The following FBXL2 variants were observed in gnomAD, a reference collection of about 807,000 sequenced individuals.
The protein encoded by FBXL2 is F-box/LRR-repeat protein 2.
In FBXL2, 38 loss-of-function variants were observed where a neutral mutation model predicts 69.2. The observed-to-expected ratio is 0.55, with a 90% CI of 0.42 to 0.72. The LOEUF (loss-of-function observed/expected upper bound fraction) is 0.72. Ranked by LOEUF, FBXL2 falls within the 30% of genes least tolerant of loss-of-function variation. The probability of loss-of-function intolerance (pLI) is 0.00; values close to 1 mark genes in which losing one functional copy is unlikely to be tolerated. For missense variants in FBXL2, 354 were observed against 520.3 expected, an observed-to-expected ratio of 0.68 and a Z score of 3.11; for synonymous variants, 192 against 201.3, an observed-to-expected ratio of 0.95 and a Z score of 0.39.
At chr3:33,422,529 C>CAATG in the FBXL2 span, among the ~76,000 whole-genome samples, 1 of 151,938 alleles carries the variant, frequency 6.6e-6, no homozygotes, top group South Asian at 2.1e-4. Flanking sequence ...TTAGCGTGGG[C>CAATG]AATGAATAGT....
chr3:33,392,481 A>G, downstream of FBXL2: 1 of 1,187,792 alleles, frequency 8.4e-7, no homozygotes, highest in Non-Finnish European at 1.2e-6. Flanking sequence ...ATTTTAAAGA[A>G]TAAACACGAG....
At chr3:33,326,364 G>A (rs1043457034) in intron 2 of FBXL2, among the ~76,000 whole-genome samples, 7 of 151,980 alleles carry the variant, frequency 4.6e-5, no homozygotes, top group South Asian at 2.1e-4. Flanking sequence ...TTAGCCAGGC[G>A]TGGTGGCAGG....
intron 2 of FBXL2, among the ~76,000 whole-genome samples, chr3:33,322,433 T>C (rs1283568712): frequency 6.6e-6 from 1 of 151,992 alleles, no homozygotes; most frequent in African/African-American, 2.4e-5. Flanking sequence ...ATAACAAAAA[T>C]CCTAGAAATA....
chr3:33,284,940 C>T (rs1329915357), intron 1 of FBXL2, among the ~76,000 whole-genome samples: 1 of 152,126 alleles, frequency 6.6e-6, no homozygotes, highest in Non-Finnish European at 1.5e-5. Flanking sequence ...ATGTGTGTCT[C>T]TGCATGTGAT....
chr3:33,414,474 C>T, the FBXL2 span, among the ~76,000 whole-genome samples: 1 of 152,090 alleles, frequency 6.6e-6, no homozygotes, highest in Non-Finnish European at 1.5e-5. Flanking sequence ...TCAGAGAAAG[C>T]ACATTGCTAA....
intron 2 of FBXL2, among the ~76,000 whole-genome samples, chr3:33,325,348 A>C (rs1285557665): frequency 1.3e-5 from 2 of 152,198 alleles, no homozygotes; most frequent in Non-Finnish European, 2.9e-5. Context: ...AGTGGTGAGA[A>C]AGGGCATCCT....
rs763154320 is a variant in FBXL2, at chr3:33,373,175, T to C, written c.359+15T>C. On this transcript the variant is annotated intron_variant, in intron 6 of 14. Transcript: ENST00000484457. ...ATCACTGACAGGTAAGTAATGAAGA[T>C]TAATTGGTGACCAAATAGCCACGGG... 6 of 1,613,614 alleles carry C rather than the reference T, an allele frequency of 3.7e-6. No homozygotes were observed. The highest frequency in any genetic ancestry group is 5.1e-6 in the Non-Finnish European group (6 of 1,179,488).
chr3:33,310,161 AT>A (rs1173754996), intron 2 of FBXL2, among the ~76,000 whole-genome samples: 2 of 150,572 alleles, frequency 1.3e-5, no homozygotes, highest in African/African-American at 2.5e-5. Context: ...ATTTTATTTT[AT>A]TTTTTTGGAG....
At chr3:33,357,846 T>C (rs527362459) in intron 2 of FBXL2, among the ~76,000 whole-genome samples, 1 of 152,194 alleles carries the variant, frequency 6.6e-6, no homozygotes, top group Admixed American at 6.5e-5. Flanking sequence ...ACTGAATCTT[T>C]TAAAGTCAGT....
downstream of FBXL2, chr3:33,392,515 C>T: frequency 6.5e-7 from 1 of 1,532,798 alleles, no homozygotes; most frequent in South Asian, 1.2e-5. Flanking sequence ...AGGCACACAC[C>T]ATCTCTCATG....
chr3:33,318,412 C>A (rs539195265), intron 2 of FBXL2, among the ~76,000 whole-genome samples: 6 of 152,242 alleles, frequency 3.9e-5, no homozygotes, highest in African/African-American at 1.4e-4. Flanking sequence ...AGTACTCTTT[C>A]TTTTAATGCC....
At chr3:33,298,614 T>G (rs2035960431) in intron 2 of FBXL2, among the ~76,000 whole-genome samples, 1 of 147,880 alleles carries the variant, frequency 6.8e-6, no homozygotes, top group African/African-American at 2.5e-5. Context: ...GAGAATCATT[T>G]GAAGCTAGGA....
chr3:33,391,580 G>A (rs1262558873), downstream of FBXL2: 1 of 152,278 alleles, frequency 6.6e-6, no homozygotes, highest in African/African-American at 2.4e-5. Context: ...ACTCTTGGTT[G>A]ATTTACCCCA....
At chr3:33,415,332 G>A in the FBXL2 span, among the ~76,000 whole-genome samples, 5 of 152,210 alleles carry the variant, frequency 3.3e-5, no homozygotes, top group Non-Finnish European at 7.3e-5. Context: ...GGATGTCAAA[G>A]TTTGTTATAT....
At chr3:33,282,204 A>G (rs1464980583) in intron 1 of FBXL2, among the ~76,000 whole-genome samples, 5 of 152,250 alleles carry the variant, frequency 3.3e-5, no homozygotes, top group Admixed American at 2.0e-4. Flanking sequence ...TCTTTAATCC[A>G]TCTTGAATTA....
At chr3:33,388,757 AT>A (rs2043632702), downstream of FBXL2, 2 of 152,238 alleles carry the variant, frequency 1.3e-5, no homozygotes, top group South Asian at 4.1e-4. Context: ...AGTTACAGAT[AT>A]TTTCAAATCG....
At chr3:33,353,129 C>T (rs763886915) in intron 2 of FBXL2, among the ~76,000 whole-genome samples, 3 of 152,088 alleles carry the variant, frequency 2.0e-5, no homozygotes, top group Non-Finnish European at 4.4e-5. Context: ...AATCTAAATA[C>T]AAAATGGTGG....
At chr3:33,278,411 G>C (rs996957173) in intron 1 of FBXL2, 6 of 152,210 alleles carry the variant, frequency 3.9e-5, no homozygotes, top group Non-Finnish European at 8.8e-5. Context: ...GGTAGGTGTA[G>C]GTAATAGGGA....
chr3:33,364,586 A>T lies in FBXL2; in HGVS notation c.196-39A>T. ...TTTGCTGTTAGATAAGCAGCATGAA[A>T]AAACAGTATTTTTTCCTCCCGAACT... On this transcript the variant is annotated intron_variant, in intron 4 of 14. Coordinates refer to ENST00000484457, the MANE Select transcript of FBXL2 (RefSeq NM_012157.5). 1.9e-6 allele frequency: 3 copies of T among 1,550,142 alleles called. No individual in the cohort carries two copies. In the East Asian group the frequency reaches 6.7e-5, roughly 35 times the overall value.
Sources: gnomAD v4.1 joint callset for allele counts (sites outside exome capture counted in the v4.1 genomes callset) on GRCh38, gnomAD v4.1.1 for gene constraint, MANE v1.5 for transcripts, NCBI Gene and HGNC (gene_info 2026-07-23, HGNC 2026-07-21) for gene names.